Variants in DSCAM observed in about 807,000 individuals in gnomAD.
The protein encoded by DSCAM is cell adhesion molecule DSCAM.
Under a neutral mutation model 217.7 loss-of-function variants are expected in DSCAM, and 47 were observed. The ratio of observed to expected loss-of-function variants is 0.22; its 90% confidence interval spans 0.17 to 0.28. The LOEUF is 0.28. Among genes scored for constraint, DSCAM ranks in the 10% least tolerant of loss-of-function variants. The pLI, the probability that DSCAM is intolerant of heterozygous loss-of-function variation, is 1.00. For synonymous variants in DSCAM, 1,056 were observed against 1,015.3 expected (o/e 1.04, Z -0.76); for missense variants, 2,080 against 2,618.3 (o/e 0.79, Z 4.49).
intron 11 of DSCAM, among the ~76,000 whole-genome samples, chr21:40,250,150 G>A (rs2073282167): frequency 6.6e-6 from 1 of 152,174 alleles, no homozygotes; most frequent in Non-Finnish European, 1.5e-5. Flanking sequence ...GCAGGGTTCA[G>A]GCCAGTAGAA....
chr21:40,418,635 CTAAT>C (rs1192731240), intron 3 of DSCAM, among the ~76,000 whole-genome samples: 1 of 152,058 alleles, frequency 6.6e-6, no homozygotes, highest in Admixed American at 6.6e-5. Flanking sequence ...TAGAAAACAT[CTAAT>C]TAATTATCAC....
intron 11 of DSCAM, among the ~76,000 whole-genome samples, chr21:40,221,502 A>G (rs2091289176): frequency 6.7e-6 from 1 of 149,524 alleles, no homozygotes; most frequent in Non-Finnish European, 1.5e-5. Context: ...TATATAATAT[A>G]CATATAAATA....
intron 3 of DSCAM, among the ~76,000 whole-genome samples, chr21:40,682,236 C>T (rs1201524146): frequency 2.0e-5 from 3 of 151,860 alleles, no homozygotes; most frequent in Non-Finnish European, 2.9e-5. Flanking sequence ...AAGGCAGGTC[C>T]GAAGTTGGGG....
At chr21:40,376,995 T>A (rs1215754349) in intron 3 of DSCAM, among the ~76,000 whole-genome samples, 2 of 152,126 alleles carry the variant, frequency 1.3e-5, no homozygotes, top group African/African-American at 4.8e-5. Context: ...TATCTTAAGA[T>A]GAACTCATAC....
At chr21:40,168,114 A>G (rs1488682706) in intron 15 of DSCAM, among the ~76,000 whole-genome samples, 2 of 152,202 alleles carry the variant, frequency 1.3e-5, no homozygotes, top group East Asian at 1.9e-4. Context: ...CAGGGGCTCT[A>G]GCCACAGAGT....
chr21:40,717,467 C>T (rs756938543), intron 1 of DSCAM, among the ~76,000 whole-genome samples: 7 of 152,200 alleles, frequency 4.6e-5, no homozygotes, highest in East Asian at 1.9e-4. Context: ...AAGCAAAATG[C>T]GGCTTAGCCT....
intron 3 of DSCAM, among the ~76,000 whole-genome samples, chr21:40,448,759 A>C (rs1285379878): frequency 6.6e-6 from 1 of 152,152 alleles, no homozygotes; most frequent in African/African-American, 2.4e-5. Flanking sequence ...TTCTCACAAA[A>C]TCAATTCAAA....
At chr21:40,562,307 T>A (rs896504490) in intron 3 of DSCAM, among the ~76,000 whole-genome samples, 5 of 152,182 alleles carry the variant, frequency 3.3e-5, no homozygotes, top group African/African-American at 1.2e-4. Flanking sequence ...GACTCTCACA[T>A]GCTCTCTCAC....
intron 15 of DSCAM, among the ~76,000 whole-genome samples, chr21:40,172,035 A>G (rs941579566): frequency 6.6e-6 from 1 of 152,244 alleles, no homozygotes; most frequent in African/African-American, 2.4e-5. Flanking sequence ...TTTGGAAGCC[A>G]AAGTGGGCAG....
intron 4 of DSCAM, 50 bp downstream of exon 4, chr21:40,369,049 C>G: frequency 6.5e-7 from 1 of 1,531,266 alleles, no homozygotes; most frequent in Non-Finnish European, 8.8e-7. Flanking sequence ...TCTCAGGACA[C>G]TAACAAAGAA....
intron 3 of DSCAM, among the ~76,000 whole-genome samples, chr21:40,568,891 G>A (rs1227123771): frequency 6.6e-6 from 1 of 152,130 alleles, no homozygotes; most frequent in African/African-American, 2.4e-5. Context: ...GCTGTAGCAG[G>A]AGGCCTCTTC....
At chr21:40,367,233 C>T (rs1036965425) in intron 4 of DSCAM, among the ~76,000 whole-genome samples, 3 of 152,134 alleles carry the variant, frequency 2.0e-5, no homozygotes, top group Admixed American at 6.6e-5. Flanking sequence ...GATGGGGACC[C>T]GTTGGTTATT....
intron 3 of DSCAM, among the ~76,000 whole-genome samples, chr21:40,408,452 T>A (rs1304077753): frequency 6.6e-6 from 1 of 152,108 alleles, no homozygotes; most frequent in African/African-American, 2.4e-5. Context: ...TATGAGACAT[T>A]TGCTGGAAAT....
chr21:40,367,310 C>T (rs533242027), intron 4 of DSCAM, among the ~76,000 whole-genome samples: 173 of 152,310 alleles, frequency 1.1e-3, no homozygotes, highest in Non-Finnish European at 2.0e-3. Flanking sequence ...ACCTCTGCTG[C>T]TGGTCCTGTT....
intron 3 of DSCAM, among the ~76,000 whole-genome samples, chr21:40,538,931 A>G (rs1008291219): frequency 6.6e-6 from 1 of 152,202 alleles, no homozygotes; most frequent in Non-Finnish European, 1.5e-5. Context: ...TAGAGGATGA[A>G]ACAGCACAAA....
chr21:40,193,335 A>G (rs559576501), intron 11 of DSCAM, among the ~76,000 whole-genome samples: 54 of 143,642 alleles, frequency 3.8e-4, no homozygotes, highest in African/African-American at 1.4e-3. Flanking sequence ...TCAATCCACT[A>G]ATCAAGATTT....
At chr21:40,302,440 G>A (rs1199232164) in intron 9 of DSCAM, among the ~76,000 whole-genome samples, 1 of 152,174 alleles carries the variant, frequency 6.6e-6, no homozygotes, top group Admixed American at 6.5e-5. Context: ...GTGGAACTGT[G>A]AGTCCATTAA....
At chr21:40,202,562 C>T (rs2146859379) in intron 11 of DSCAM, among the ~76,000 whole-genome samples, 1 of 152,280 alleles carries the variant, frequency 6.6e-6, no homozygotes, top group East Asian at 1.9e-4. Flanking sequence ...ACAGCACCCC[C>T]TCCTAGGGTT....
At chr21:40,254,676 A>T (rs2073347973) in intron 11 of DSCAM, among the ~76,000 whole-genome samples, 1 of 152,108 alleles carries the variant, frequency 6.6e-6, no homozygotes, top group Admixed American at 6.6e-5. Context: ...TCTTTGCAGG[A>T]TCAGCTGGGC....
Sources: gnomAD v4.1 joint callset for allele counts (sites outside exome capture counted in the v4.1 genomes callset) on GRCh38, gnomAD v4.1.1 for gene constraint, MANE v1.5 for transcripts, NCBI Gene and HGNC (gene_info 2026-07-23, HGNC 2026-07-21) for gene names.